ARHGAP27: variants seen among roughly 807,000 people sequenced by gnomAD.
The protein encoded by ARHGAP27 is rho GTPase-activating protein 27.
Under a neutral mutation model 102.0 loss-of-function variants are expected in ARHGAP27, and 53 were observed. The ratio of observed to expected loss-of-function variants is 0.52; its 90% confidence interval spans 0.42 to 0.65. ARHGAP27 has a LOEUF of 0.65. ARHGAP27 is among the 30% of genes least tolerant of loss of function. ARHGAP27 has a pLI of 0.00. For missense variants in ARHGAP27, 1,117 were observed against 1,256.2 expected (o/e 0.89, Z 1.68); for synonymous variants, 525 against 542.8 (o/e 0.97, Z 0.46).
intron 4 of ARHGAP27, among the ~76,000 whole-genome samples, chr17:45,422,628 G>T (rs557631149): frequency 6.5e-4 from 99 of 152,270 alleles, no homozygotes; most frequent in Non-Finnish European, 1.3e-3. Context: ...AGCACAATTT[G>T]TAACGAAAGA....
At position 45,404,524 on chromosome 17, in the gene ARHGAP27, G is replaced by A; in HGVS notation, c.1334C>T (p.Pro445Leu). 6.2e-7 allele frequency: 1 copy of A among 1,613,178 alleles called. No homozygotes were observed. The highest frequency in any genetic ancestry group is 8.5e-7 in the Non-Finnish European group (1 of 1,179,662). The change falls in exon 8 of 20, where the codon CCT becomes CTT. Residue 445 changes from proline to leucine, a missense_variant. This residue lies in a region of ARHGAP27 where 610 missense variants were observed against 716.4 expected (regional missense o/e 0.85). Transcript: ENST00000685559. ...ATGGATGCTTCGAGGGGCAGGGACA[G>A]GGACCTGGGGAGAAAGACACAGTCG... is the stretch of plus-strand genomic sequence containing the variant. ...SSVRWELPQV[P>L]VPAPRSIHKS...
chr17:45,395,055 T>G lies in ARHGAP27; in HGVS notation c.*401A>C. On this transcript the variant is annotated 3_prime_UTR_variant, in exon 20 of 20. Transcript: ENST00000685559. Reference sequence around the variant, plus strand: ...ACAGGGCCAGGGCCCACAGGGTCTCTGTGAAGGCCTCCACGAGGTGAGGGC... The same window carrying G: ...ACAGGGCCAGGGCCCACAGGGTCTCGGTGAAGGCCTCCACGAGGTGAGGGC... The G allele has an allele frequency of 4.1e-6, 1 of 246,038 alleles. No individual in the cohort carries two copies. The highest frequency in any genetic ancestry group is 5.2e-5 in the Admixed American group (1 of 19,130). The allele number at this position is 246,038 out of a possible 1,614,324, so 15.2% of individuals were successfully genotyped here.
intron 4 of ARHGAP27, chr17:45,409,968 T>C (rs2047704602): frequency 2.1e-6 from 1 of 470,720 alleles, no homozygotes; most frequent in Admixed American, 4.1e-5. Flanking sequence ...GGCTCCAGGC[T>C]GCCCAGCCCC....
intron 4 of ARHGAP27, among the ~76,000 whole-genome samples, chr17:45,418,594 C>G (rs181649138): frequency 1.6e-4 from 24 of 152,292 alleles, no homozygotes; most frequent in South Asian, 1.2e-3. Flanking sequence ...AGCTCTGGAG[C>G]CAGGATTCTG....
chr17:45,411,814 C>T lies in ARHGAP27; in HGVS notation c.658-5731G>A, dbSNP rs9910766. Among the ~76,000 whole-genome samples the T allele has an allele frequency of 1.9e-3, 292 of 152,134 alleles. 1 individual carries two copies. The highest frequency in any genetic ancestry group is 6.8e-3 in the African/African-American group (281 of 41,464). On this transcript the variant is annotated intron_variant, in intron 4 of 19. Coordinates refer to ENST00000685559, the MANE Select transcript of ARHGAP27 (RefSeq NM_001282290.2). ...GAGGACTCACACACACACACACACA[C>T]ACACACTACACACGTGTGCGTGCAT... is the stretch of plus-strand genomic sequence containing the variant.
chr17:45,417,104 C>G (rs1053905823), intron 4 of ARHGAP27, among the ~76,000 whole-genome samples: 1 of 149,254 alleles, frequency 6.7e-6, no homozygotes, highest in Non-Finnish European at 1.5e-5. Flanking sequence ...TGTGGTGAGC[C>G]GAGATCGAGC....
At chr17:45,406,154 G>A (rs2047144800) in intron 4 of ARHGAP27, 71 bp from the exon 5 acceptor site, 1 of 1,411,456 alleles carries the variant, frequency 7.1e-7, no homozygotes, top group Non-Finnish European at 9.3e-7. Flanking sequence ...GTCCCCTCTG[G>A]GCAGTGCGAT....
At position 45,429,809 on chromosome 17, in the gene ARHGAP27, C is replaced by T; in HGVS notation, c.471G>A (p.Leu157=). The T allele has an allele frequency of 6.7e-7, 1 of 1,503,324 alleles. No homozygotes were observed. The highest frequency in any genetic ancestry group is 8.8e-7 in the Non-Finnish European group (1 of 1,131,978). The allele number at this position is 1,503,324 out of a possible 1,614,324, so 93.1% of individuals were successfully genotyped here. Residue 157 remains leucine (L), a synonymous_variant, in exon 4 of 20, where the codon CTG becomes CTA. Transcript: ENST00000685559. ...PAAPVRPAQS[L]NDLACAAVSP... ...AGACGGCGGCGCAGGCCAGGTCGTTCAGGGACTGCGCGGGCCGCACGGGCG... is the reference window on the plus strand; with the variant it reads ...AGACGGCGGCGCAGGCCAGGTCGTTTAGGGACTGCGCGGGCCGCACGGGCG...
At chr17:45,421,046 A>G (rs1023619465) in intron 4 of ARHGAP27, among the ~76,000 whole-genome samples, 2 of 146,640 alleles carry the variant, frequency 1.4e-5, no homozygotes, top group African/African-American at 5.0e-5. Flanking sequence ...TCAAATTTGC[A>G]GCCTGGAAGG....
rs529962590 is a variant in ARHGAP27, at chr17:45,422,565, T to G, written c.657+7058A>C. 3.9e-5 allele frequency among the ~76,000 whole-genome samples: 6 copies of G among 151,904 alleles called. No homozygotes were observed. The South Asian group carries it at 1.0e-3, about 26-fold the overall frequency. On this transcript the variant is annotated intron_variant, in intron 4 of 19. Transcript: ENST00000685559. ...CATATAAACAATAGAAGGGTGAAAT[T>G]TAAGGTTAAGCACTAGAATAGGATA... is the stretch of plus-strand genomic sequence containing the variant.
Position 45,405,649 on chromosome 17 carries a change from ACCGCCCACTCTGGC to A in ARHGAP27, c.1065+13_1065+26del, listed in dbSNP as rs761063407. On this transcript the variant is annotated intron_variant, in intron 5 of 19. Transcript: ENST00000685559. Reference sequence around the variant, plus strand: ...GGGATCAGAGGCGCTCAGAGGTAGAACCGCCCACTCTGGCCCTGCCCCTCACCCGCGGGTCCCCT... The same window carrying A: ...GGGATCAGAGGCGCTCAGAGGTAGAACCTGCCCCTCACCCGCGGGTCCCCT... 73 of 1,550,606 alleles carry A rather than the reference ACCGCCCACTCTGGC, an allele frequency of 4.7e-5. No homozygotes were observed. The African/African-American group carries it at 9.9e-4, about 21-fold the overall frequency.
At chr17:45,416,467 CTTT>C (rs941995458) in intron 4 of ARHGAP27, among the ~76,000 whole-genome samples, 1 of 146,330 alleles carries the variant, frequency 6.8e-6, no homozygotes, top group Non-Finnish European at 1.5e-5. Flanking sequence ...CTCTCTCTCT[CTTT>C]TTTTTTTTTC....
intron 4 of ARHGAP27, among the ~76,000 whole-genome samples, chr17:45,426,028 C>T (rs560164855): frequency 1.3e-5 from 2 of 152,238 alleles, no homozygotes; most frequent in Admixed American, 6.5e-5. Context: ...GGGCTGGGCA[C>T]GCAGGACGCT....
Position 45,395,689 on chromosome 17 carries a change from T to C in ARHGAP27, c.2492+55A>G, listed in dbSNP as rs1312586466. 8 of 1,569,454 alleles carry C rather than the reference T, an allele frequency of 5.1e-6. No homozygotes were observed. In the East Asian group the frequency reaches 1.6e-4, roughly 32 times the overall value. On this transcript the variant is annotated intron_variant, in intron 19 of 19. Coordinates refer to ENST00000685559, the MANE Select transcript of ARHGAP27 (RefSeq NM_001282290.2). ...CGAACTGCGAACTGCGGGGAGGCGC[T>C]GGGGGCTTCAGCCGGGACCTGCCTC...
chr17:45,416,298 C>T (rs551635216), intron 4 of ARHGAP27, among the ~76,000 whole-genome samples: 18 of 151,980 alleles, frequency 1.2e-4, no homozygotes, highest in Non-Finnish European at 2.6e-4. Context: ...TCGTGATCCG[C>T]CCACCTCAGC....
At chr17:45,412,683 C>A (rs1040654679) in intron 4 of ARHGAP27, among the ~76,000 whole-genome samples, 1 of 152,224 alleles carries the variant, frequency 6.6e-6, no homozygotes, top group African/African-American at 2.4e-5. Context: ...GTCCCTCCCC[C>A]AAACACATGT....
At chr17:45,426,581 C>T (rs1230087) in intron 4 of ARHGAP27, among the ~76,000 whole-genome samples, 69,913 of 150,956 alleles carry the variant, frequency 0.46, 17,037 homozygotes, top group South Asian at 0.59. Flanking sequence ...CCAGTGCCCC[C>T]GTGCCATGCC....
At chr17:45,409,356 C>G (rs1436862983) in intron 4 of ARHGAP27, 1 of 152,248 alleles carries the variant, frequency 6.6e-6, no homozygotes. Flanking sequence ...GAAGGAATGT[C>G]CCCAGCAGGT....
chr17:45,413,043 G>A (rs1242935816), intron 4 of ARHGAP27, among the ~76,000 whole-genome samples: 3 of 124,606 alleles, frequency 2.4e-5, no homozygotes, highest in Non-Finnish European at 4.7e-5. Context: ...GCAGTGGCTC[G>A]ATCTCAGCTC....
Sources: allele counts gnomAD v4.1 joint callset (sites outside exome capture counted in the v4.1 genomes callset), GRCh38; gene constraint gnomAD v4.1.1; regional missense constraint gnomAD v4.1.1; transcripts MANE v1.5; gene names NCBI Gene and HGNC (gene_info 2026-07-23, HGNC 2026-07-21).